DYM: variants seen among roughly 807,000 people sequenced by gnomAD.
DYM encodes the protein dyggve-Melchior-Clausen syndrome protein.
In DYM, 78 loss-of-function variants were observed where a neutral mutation model predicts 93.1. The observed-to-expected ratio is 0.84, with a 90% CI of 0.70 to 1.01. DYM has a LOEUF of 1.01. Ranked by LOEUF, DYM falls within the 50% of genes least tolerant of loss-of-function variation. The pLI, the probability that DYM is intolerant of heterozygous loss-of-function variation, is 0.00. For synonymous variants in DYM, 321 were observed against 319.7 expected (o/e 1.00, Z -0.04); for missense variants, 789 against 845.0 (o/e 0.93, Z 0.82).
At chr18:49,083,938 G>T (rs999924850) in intron 17 of DYM, among the ~76,000 whole-genome samples, 1 of 151,956 alleles carries the variant, frequency 6.6e-6, no homozygotes, top group East Asian at 1.9e-4. Context: ...TCTTTTCAAA[G>T]AATCAGCTTT....
intron 8 of DYM, among the ~76,000 whole-genome samples, chr18:49,313,442 A>C (rs1265843415): frequency 7.4e-6 from 1 of 135,820 alleles, no homozygotes; most frequent in Non-Finnish European, 1.5e-5. Flanking sequence ...CAGTCTCGGC[A>C]ACAGAGCAAG....
intron 1 of DYM, among the ~76,000 whole-genome samples, chr18:49,455,216 A>T (rs1425365630): frequency 6.6e-6 from 1 of 152,088 alleles, no homozygotes; most frequent in Admixed American, 6.5e-5. Flanking sequence ...TACAATCCAA[A>T]ATATCTATGT....
At chr18:49,146,373 G>C (rs1354192552) in intron 15 of DYM, among the ~76,000 whole-genome samples, 1 of 152,146 alleles carries the variant, frequency 6.6e-6, no homozygotes, top group Non-Finnish European at 1.5e-5. Context: ...GGAAATAAAG[G>C]GTATTCAATT....
chr18:49,111,039 T>C (rs530491525), intron 16 of DYM, among the ~76,000 whole-genome samples: 9 of 152,326 alleles, frequency 5.9e-5, no homozygotes, highest in Non-Finnish European at 8.8e-5. Context: ...CATTTTATTT[T>C]TTCTTACAGT....
At chr18:49,219,844 C>A (rs1022674385) in intron 13 of DYM, among the ~76,000 whole-genome samples, 18 of 150,680 alleles carry the variant, frequency 1.2e-4, no homozygotes, top group African/African-American at 3.9e-4. Flanking sequence ...TGAAAACTGC[C>A]ACAAGACAGG....
chr18:49,363,382 A>G, intron 5 of DYM, 149 bp from the exon 6 acceptor site: 1 of 690,252 alleles, frequency 1.4e-6, no homozygotes, highest in Non-Finnish European at 2.6e-6. Flanking sequence ...ATAAAATCCA[A>G]ATCATGAATA....
intron 14 of DYM, among the ~76,000 whole-genome samples, chr18:49,186,561 T>C (rs779349293): frequency 1.3e-5 from 2 of 152,190 alleles, no homozygotes; most frequent in African/African-American, 4.8e-5. Flanking sequence ...CTTTAGTCAG[T>C]AAGCCTACCT....
intron 11 of DYM, among the ~76,000 whole-genome samples, chr18:49,258,805 C>G (rs1253150446): frequency 4.4e-4 from 59 of 134,986 alleles, no homozygotes; most frequent in Non-Finnish European, 1.4e-4. Flanking sequence ...CACACACACA[C>G]ACACACACAC....
At chr18:49,353,134 T>C (rs1213225109) in intron 6 of DYM, among the ~76,000 whole-genome samples, 1 of 152,116 alleles carries the variant, frequency 6.6e-6, no homozygotes, top group African/African-American at 2.4e-5. Flanking sequence ...AAAGAAAATA[T>C]ACACATTTCC....
intron 15 of DYM, among the ~76,000 whole-genome samples, chr18:49,145,591 T>A (rs1389920553): frequency 1.3e-5 from 2 of 152,156 alleles, no homozygotes; most frequent in African/African-American, 4.8e-5. Context: ...CTTCCCCTAT[T>A]TGTTTCCAAA....
intron 16 of DYM, among the ~76,000 whole-genome samples, chr18:49,103,911 A>G (rs978882752): frequency 3.3e-5 from 5 of 150,646 alleles, no homozygotes; most frequent in African/African-American, 1.2e-4. Context: ...TTTTGGTTCC[A>G]TATGAACTTC....
intron 2 of DYM, among the ~76,000 whole-genome samples, chr18:49,416,120 A>G (rs1395819458): frequency 6.6e-6 from 1 of 152,186 alleles, no homozygotes; most frequent in Non-Finnish European, 1.5e-5. Flanking sequence ...AATATTTTAG[A>G]CTAACTCTCA....
intron 12 of DYM, 125 bp from the exon 13 acceptor site, chr18:49,257,229 A>G (rs2094407865): frequency 1.3e-6 from 1 of 759,814 alleles, no homozygotes; most frequent in South Asian, 1.5e-5. Flanking sequence ...CAGATCCACT[A>G]TCTCTTTTTT....
At chr18:49,224,152 A>C (rs1189608966) in intron 13 of DYM, among the ~76,000 whole-genome samples, 5 of 152,056 alleles carry the variant, frequency 3.3e-5, no homozygotes, top group Admixed American at 2.0e-4. Context: ...GGTGACAGGG[A>C]GTGTCAAAAT....
intron 17 of DYM, among the ~76,000 whole-genome samples, chr18:49,093,494 T>A (rs545887503): frequency 6.6e-6 from 1 of 152,022 alleles, no homozygotes; most frequent in Non-Finnish European, 1.5e-5. Flanking sequence ...TTTATAGCAA[T>A]AGACTGTGGG....
At chr18:49,171,135 A>T (rs2088663418) in intron 14 of DYM, among the ~76,000 whole-genome samples, 1 of 152,168 alleles carries the variant, frequency 6.6e-6, no homozygotes, top group Non-Finnish European at 1.5e-5. Context: ...AGCGCTTGAG[A>T]AATAAGCAGG....
At position 49,282,044 on chromosome 18, in the gene DYM, T is replaced by C; in HGVS notation, c.1078A>G (p.Ser360Gly). 1 of 1,614,070 alleles carries C rather than the reference T, an allele frequency of 6.2e-7. No individual in the cohort carries two copies. Among genetic ancestry groups the C allele is most frequent in the Non-Finnish European group, 8.5e-7 (1 of 1,179,968 alleles). ...LLLYTLLHQN[S>G]NIRTYMLART... ...GCCAACATGTATGTTCTAATATTAC[T>C]ATTTTGATGGAGCAAGGTATACAAG... The change falls in exon 10 of 18, where the codon AGT becomes GGT. Residue 360 changes from serine (S) to glycine (G), a missense_variant. Ser to Gly is a moderately conservative substitution (Grantham distance 56). Coordinates refer to ENST00000675505, the MANE Select transcript of DYM (RefSeq NM_001353214.3).
At chr18:49,237,191 C>G (rs2093894197) in intron 13 of DYM, among the ~76,000 whole-genome samples, 1 of 152,118 alleles carries the variant, frequency 6.6e-6, no homozygotes, top group African/African-American at 2.4e-5. Context: ...GGAGGTGGGT[C>G]TCCCATTCCA....
chr18:49,343,913 G>C lies in DYM; in HGVS notation c.495-10060C>G, dbSNP rs575622889. Among the ~76,000 whole-genome samples, 8 of 150,374 alleles carry C rather than the reference G, an allele frequency of 5.3e-5. No homozygotes were observed. The South Asian group carries it at 1.3e-3, about 24-fold the overall frequency. On this transcript the variant is annotated intron_variant, in intron 6 of 17. Transcript: ENST00000675505. ...ACTTGAGGCCAGGAGTTCAGGACAG[G>C]CTTGGGCAACATACAAGACCCCACC...
Sources: gnomAD v4.1 joint callset for allele counts (sites outside exome capture counted in the v4.1 genomes callset) on GRCh38, gnomAD v4.1.1 for gene constraint, MANE v1.5 for transcripts, NCBI Gene and HGNC (gene_info 2026-07-23, HGNC 2026-07-21) for gene names.